Variants in STT3A observed in about 807,000 individuals in gnomAD.
STT3A encodes STT3 oligosaccharyltransferase complex catalytic subunit A, also known as dolichyl-diphosphooligosaccharide--protein glycosyltransferase subunit STT3A.
STT3A carries 34 observed loss-of-function variants against 89.2 expected under a neutral mutation model. The ratio of observed to expected loss-of-function variants is 0.38; its 90% confidence interval spans 0.29 to 0.51. STT3A has a LOEUF of 0.51. STT3A is among the 20% of genes least tolerant of loss of function. The pLI, the probability that STT3A is intolerant of heterozygous loss-of-function variation, is 0.89. For synonymous variants in STT3A, 282 were observed against 310.3 expected (o/e 0.91, Z 0.96); for missense variants, 555 against 889.5 (o/e 0.62, Z 4.78).
chr11:125,601,516 A>G (rs971849055), intron 3 of STT3A, among the ~76,000 whole-genome samples: 1 of 152,036 alleles, frequency 6.6e-6, no homozygotes, highest in Non-Finnish European at 1.5e-5. Flanking sequence ...AGTTACTTTC[A>G]GAAGGCTGAG....
rs200660277 is a variant in STT3A, at chr11:125,597,658, C to CTGTT, written c.149+553_149+556dup. On this transcript the variant is annotated intron_variant, in intron 3 of 17. Coordinates refer to ENST00000392708, the MANE Select transcript of STT3A (RefSeq NM_152713.5). ...TGGACTTGAGATTCATGACATTTTG[C>CTGTT]TGTTTGTTTGTTTGTTTAGCAATTT... Among the ~76,000 whole-genome samples the CTGTT allele has an allele frequency of 7.9e-3, 1,202 of 152,138 alleles. 56 individuals are homozygous for CTGTT. Among genetic ancestry groups the CTGTT allele is most frequent in the Admixed American group, 0.073 (1,122 of 15,282 alleles).
intron 16 of STT3A, among the ~76,000 whole-genome samples, chr11:125,619,000 C>G (rs1158582470): frequency 1.3e-5 from 2 of 152,044 alleles, no homozygotes; most frequent in Non-Finnish European, 2.9e-5. Flanking sequence ...TCCTGAAGTA[C>G]TGGGATTACA....
chr11:125,614,344 A>G lies in STT3A; in HGVS notation c.1692A>G (p.Glu564=), dbSNP rs778557353. Residue 564 remains glutamate, a synonymous_variant, in exon 15 of 18, where the codon GAA becomes GAG. Coordinates refer to ENST00000392708, the MANE Select transcript of STT3A (RefSeq NM_152713.5). This position sits in a 1 kb window ranked among gnomAD's most constrained non-coding sequence, Gnocchi z 4.9. The part of the protein sequence containing the change: ...RVGQAMASTE[E]KAYEIMRELD... ...TCCAGGCAATGGCGTCCACAGAGGA[A>G]AAAGCCTATGAGATCATGAGGGAGC... The G allele has an allele frequency of 6.2e-7, 1 of 1,614,160 alleles. No homozygotes were observed. Among genetic ancestry groups the G allele is most frequent in the Non-Finnish European group, 8.5e-7 (1 of 1,180,022 alleles).
intron 15 of STT3A, 90 bp from the exon 16 acceptor site, chr11:125,618,283 A>C (rs1280534771): frequency 4.0e-6 from 5 of 1,262,900 alleles, no homozygotes; most frequent in Admixed American, 5.8e-5. Flanking sequence ...CCCATTAAAA[A>C]AATGTTGAGG....
intron 1 of STT3A, among the ~76,000 whole-genome samples, chr11:125,594,334 C>G (rs1939417723): frequency 6.6e-6 from 1 of 152,158 alleles, no homozygotes; most frequent in African/African-American, 2.4e-5. Flanking sequence ...GTAATCCCAG[C>G]ACTTTGGGAG....
At position 125,620,791 on chromosome 11, in the gene STT3A, G is replaced by A. The variant is rs1297393794; in HGVS notation, c.2099G>A (p.Arg700Gln). The A allele has an allele frequency of 6.2e-7, 1 of 1,613,558 alleles. No homozygotes were observed. Among genetic ancestry groups the A allele is most frequent in the African/African-American group, 1.3e-5 (1 of 74,788 alleles). Residue 700 changes from arginine to glutamine, a missense_variant, in exon 18 of 18, where the codon CGA (arginine) becomes CAA (glutamine). By Grantham distance (43) the Arg-to-Gln change is conservative. Around this residue, in one of 5 missense-constraint regions of STT3A, gnomAD observed 273 missense variants for 449.8 expected, o/e 0.61. Coordinates refer to ENST00000392708, the MANE Select transcript of STT3A (RefSeq NM_152713.5). ...RIYKVKDLDN[R>Q]GLSRT ...TTGCAGGTAAAGGACCTGGATAATC[G>A]AGGCTTGTCAAGGACATAAATGTCA...
chr11:125,604,969 G>T (rs376552234), intron 6 of STT3A, among the ~76,000 whole-genome samples: 1 of 152,184 alleles, frequency 6.6e-6, no homozygotes, highest in African/African-American at 2.4e-5. Flanking sequence ...GGGCATGGTA[G>T]TGTGCGCCTA....
chr11:125,592,605 G>A, upstream of STT3A: 1 of 405,868 alleles, frequency 2.5e-6, no homozygotes, highest in Non-Finnish European at 4.9e-6. Flanking sequence ...AAACTGCTTG[G>A]GGCACGTTCT....
rs1424792346 is a variant in STT3A at position 125,613,228 on chromosome 11, C to T, written c.1554+51C>T. The T allele has an allele frequency of 1.4e-5, 22 of 1,588,696 alleles. No individual in the cohort carries two copies. The highest frequency in any genetic ancestry group is 1.9e-5 in the Non-Finnish European group (22 of 1,162,558). On this transcript the variant is annotated intron_variant, in intron 13 of 17. Transcript: ENST00000392708. The surrounding 1 kb of genome is among the most constrained non-coding windows in gnomAD (Gnocchi z 4.2). ...TGTGGGTTAGGGGCAAAGGGGAAGACATTTGATGTTACAGTGAATCATACA... is the reference window on the plus strand; with the variant it reads ...TGTGGGTTAGGGGCAAAGGGGAAGATATTTGATGTTACAGTGAATCATACA...
At position 125,606,404 on chromosome 11, in the gene STT3A, A is replaced by G; in HGVS notation, c.719A>G (p.Tyr240Cys). 6.2e-7 allele frequency: 1 copy of G among 1,614,102 alleles called. No individual in the cohort carries two copies. Among genetic ancestry groups the G allele is most frequent in the Non-Finnish European group, 8.5e-7 (1 of 1,180,022 alleles). The part of the protein sequence containing the change: ...GRFSHRIYVA[Y>C]CTVYCLGTIL... ...TTCTCTCACCGGATCTATGTGGCCT[A>G]CTGTACTGTTTACTGCCTGGGCACT... The change falls in exon 8 of 18, where the codon TAC (tyrosine) becomes TGC (cysteine). Residue 240 changes from tyrosine (Y) to cysteine (C), a missense_variant. Tyr to Cys is a radical substitution (Grantham distance 194, BLOSUM62 -2). This residue lies in a region of STT3A where 149 missense variants were observed against 206.2 expected (regional missense o/e 0.72). Transcript: ENST00000392708.
At chr11:125,602,475 G>A in intron 4 of STT3A, 51 bp downstream of exon 4, 1 of 1,482,930 alleles carries the variant, frequency 6.7e-7, no homozygotes, top group Non-Finnish European at 9.0e-7. Flanking sequence ...AGAAATATTT[G>A]TATGCTAGAG....
rs1310944736 is a variant in STT3A at position 125,621,560 on chromosome 11, A to G, written c.*750A>G. ...TGAATCAGCTTAAATATAATCATAC[A>G]TATCAATTTGAAATGGAGCTTTTCA... On this transcript the variant is annotated 3_prime_UTR_variant, in exon 18 of 18. Transcript: ENST00000392708. The G allele has an allele frequency of 3.3e-5, 5 of 152,342 alleles. No individual in the cohort carries two copies. In the East Asian group the frequency reaches 7.7e-4, roughly 23 times the overall value. The allele number at this position is 152,342 out of a possible 1,614,324, so 9.4% of individuals were successfully genotyped here.
upstream of STT3A, among the ~76,000 whole-genome samples, chr11:125,592,247 C>T (rs1939317416): frequency 1.3e-5 from 2 of 152,288 alleles, no homozygotes; most frequent in South Asian, 2.1e-4. Context: ...TCAAGGTTCC[C>T]AGGTCCATCG....
intron 1 of STT3A, among the ~76,000 whole-genome samples, chr11:125,594,484 G>C (rs1939423569): frequency 6.7e-6 from 1 of 150,324 alleles, no homozygotes; most frequent in South Asian, 2.1e-4. Context: ...TGAGGCTGAG[G>C]CAGAAGAATC....
Position 125,620,932 on chromosome 11 carries a change from T to A in STT3A, c.*122T>A, listed in dbSNP as rs1236286871. 1.2e-6 allele frequency: 1 copy of A among 813,862 alleles called. No homozygotes were observed. Among genetic ancestry groups the A allele is most frequent in the Non-Finnish European group, 1.9e-6 (1 of 534,020 alleles). 50.4% of individuals were successfully genotyped at this position (813,862 alleles called of 1,614,324 possible). The stretch of plus-strand genomic sequence containing the variant: ...AGAACAAAACTGGATGGCATCAGAA[T>A]TGTCTGGAAGTTTTGTCTTGGGCAG... On this transcript the variant is annotated 3_prime_UTR_variant, in exon 18 of 18. Transcript: ENST00000392708.
chr11:125,594,215 G>A (rs191861557), intron 1 of STT3A, among the ~76,000 whole-genome samples: 29 of 152,210 alleles, frequency 1.9e-4, no homozygotes, highest in African/African-American at 5.3e-4. Context: ...AAGAATAAAA[G>A]CAAAACATCT....
rs201982930 is a variant in STT3A, at chr11:125,620,804, G to C, written c.2112G>C (p.Arg704Ser). ...VKDLDNRGLS[R>S]T is the part of the protein sequence containing the mutation. Reference sequence around the variant, plus strand: ...ACCTGGATAATCGAGGCTTGTCAAGGACATAAATGTCACGTCCAGCTCTGA... The same window carrying C: ...ACCTGGATAATCGAGGCTTGTCAAGCACATAAATGTCACGTCCAGCTCTGA... The change falls in exon 18 of 18, where the codon AGG becomes AGC. Residue 704 changes from arginine to serine, a missense_variant. This residue lies in a region of STT3A where 273 missense variants were observed against 449.8 expected (regional missense o/e 0.61). Coordinates refer to ENST00000392708, the MANE Select transcript of STT3A (RefSeq NM_152713.5). 2 of 1,613,502 alleles carry C rather than the reference G, an allele frequency of 1.2e-6. No homozygotes were observed. The highest frequency in any genetic ancestry group is 1.7e-6 in the Non-Finnish European group (2 of 1,179,908).
chr11:125,605,449 T>A lies in STT3A; in HGVS notation c.509-180T>A, dbSNP rs56188726. ...TAATTATATTTGTTTTCAGAACACT[T>A]TTATGAAGTAGATACTATTACTTCT... On this transcript the variant is annotated intron_variant, in intron 6 of 17. Coordinates refer to ENST00000392708, the MANE Select transcript of STT3A (RefSeq NM_152713.5). Among the ~76,000 whole-genome samples the A allele has an allele frequency of 0.11, 16,101 of 152,240 alleles. 1,239 individuals carry two copies. Among genetic ancestry groups the A allele is most frequent in the African/African-American group, 0.22 (9,078 of 41,508 alleles).
chr11:125,610,365 AACTTTT>A (rs375116233), intron 10 of STT3A, among the ~76,000 whole-genome samples: 4 of 151,600 alleles, frequency 2.6e-5, no homozygotes, highest in African/African-American at 4.8e-5. Flanking sequence ...GTGCCTGGCC[AACTTTT>A]ACTTTTTTCT....
Sources: gnomAD v4.1 joint callset for allele counts (sites outside exome capture counted in the v4.1 genomes callset) on GRCh38, gnomAD v4.1.1 for gene constraint, gnomAD v4.1.1 regional missense constraint, Gnocchi (gnomAD v3.1) non-coding constraint, MANE v1.5 for transcripts, NCBI Gene and HGNC (gene_info 2026-07-23, HGNC 2026-07-21) for gene names.